The following TRIM66 variants were observed in gnomAD, a reference collection of about 807,000 sequenced individuals.
TRIM66 encodes tripartite motif containing 66, also known as tripartite motif-containing protein 66.
In TRIM66, 99 loss-of-function variants were observed where a neutral mutation model predicts 148.2. The ratio of observed to expected loss-of-function variants is 0.67; its 90% CI spans 0.57 to 0.79. The LOEUF (loss-of-function observed/expected upper bound fraction) is 0.79. TRIM66 is among the 30% of genes least tolerant of loss of function. The pLI is 0.00. For synonymous variants in TRIM66, 616 were observed against 635.9 expected (o/e 0.97, Z 0.47); for missense variants, 1,666 against 1,697.9 (o/e 0.98, Z 0.33).
Position 8,672,110 on chromosome 11 carries a change from G to A in TRIM66, c.28-12C>T, listed in dbSNP as rs2038966655. On this transcript the variant is annotated splice_polypyrimidine_tract_variant and intron_variant, in intron 5 of 24. Transcript: ENST00000646038. ...GCCAGCTCCACTCCCTGTAAGTGAA[G>A]CACAAAGCAGAGTGATCTACTTATT... is the stretch of plus-strand genomic sequence containing the variant. 1 of 1,530,022 alleles carries A rather than the reference G, an allele frequency of 6.5e-7. No homozygotes were observed. Among genetic ancestry groups the A allele is most frequent in the South Asian group, 1.2e-5 (1 of 83,570 alleles). 94.8% of individuals were successfully genotyped at this position (1,530,022 alleles called of 1,614,324 possible). A position where few individuals can be genotyped will look rare whatever the true frequency, so the allele number is the denominator to read the frequency against.
upstream of TRIM66, chr11:8,682,764 T>C (rs774940734): frequency 6.2e-7 from 1 of 1,613,476 alleles, no homozygotes; most frequent in Non-Finnish European, 8.5e-7. Flanking sequence ...CCGTGGCCGA[T>C]ACCTCGCGAG....
rs376336460 is a variant in TRIM66, at chr11:8,620,542, G to A, written c.3576C>T (p.Ser1192=). The A allele has an allele frequency of 6.1e-5, 95 of 1,551,792 alleles. No homozygotes were observed. The African/African-American group carries it at 1.3e-3, about 21-fold the overall frequency. The change falls in exon 21 of 25, where the codon AGC becomes AGT. Residue 1192 remains serine (S), a synonymous_variant. Coordinates refer to ENST00000646038, the MANE Select transcript of TRIM66 (RefSeq NM_001388022.1). Reference sequence around the variant, plus strand: ...CGTACTCCATCTCGGGCTGGGTCAGGCTGCGGCACAAGGTACACACCCACT... The same window carrying A: ...CGTACTCCATCTCGGGCTGGGTCAGACTGCGGCACAAGGTACACACCCACT... The part of the protein sequence containing the change: ...GGEWVCTLCR[S]LTQPEMEYDC...
intron 6 of TRIM66, among the ~76,000 whole-genome samples, chr11:8,653,722 C>T (rs753301400): frequency 6.6e-6 from 1 of 151,708 alleles, no homozygotes; most frequent in Non-Finnish European, 1.5e-5. Flanking sequence ...CTAACTGATA[C>T]ATCCCAGGAA....
intron 18 of TRIM66, among the ~76,000 whole-genome samples, chr11:8,622,167 G>A (rs1170537630): frequency 2.0e-5 from 3 of 150,850 alleles, no homozygotes; most frequent in African/African-American, 7.3e-5. Flanking sequence ...CTTGAACATC[G>A]GACTCCAAGT....
intron 11 of TRIM66, 144 bp downstream of exon 11, chr11:8,646,302 CT>C: frequency 1.4e-6 from 1 of 697,644 alleles, no homozygotes; most frequent in Non-Finnish European, 2.4e-6. Context: ...CAAAATTAGG[CT>C]GACATTTTAA....
At chr11:8,623,298 T>C (rs2034486934) in intron 17 of TRIM66, among the ~76,000 whole-genome samples, 1 of 152,112 alleles carries the variant, frequency 6.6e-6, no homozygotes, top group Non-Finnish European at 1.5e-5. Flanking sequence ...TCACACTCCA[T>C]GGAAAAGAGG....
intron 18 of TRIM66, 134 bp downstream of exon 18, chr11:8,622,682 G>C (rs1021647292): frequency 2.6e-6 from 2 of 762,528 alleles, no homozygotes; most frequent in Non-Finnish European, 4.5e-6. Context: ...CTTGAAGGTT[G>C]AGGGGTTGAG....
intron 13 of TRIM66, among the ~76,000 whole-genome samples, chr11:8,641,664 G>A (rs535123773): frequency 2.2e-4 from 33 of 152,256 alleles, no homozygotes; most frequent in African/African-American, 7.5e-4. Flanking sequence ...ACAGTTTGGA[G>A]CTGTGTCCCC....
chr11:8,669,642 C>CAA (rs112240789), intron 6 of TRIM66, among the ~76,000 whole-genome samples: 13 of 120,466 alleles, frequency 1.1e-4, no homozygotes, highest in Non-Finnish European at 1.1e-4. Context: ...GACCCTGTCT[C>CAA]AAAAAAAAAA....
intron 6 of TRIM66, among the ~76,000 whole-genome samples, chr11:8,658,415 C>T (rs1044894511): frequency 1.3e-5 from 2 of 152,190 alleles, no homozygotes; most frequent in African/African-American, 2.4e-5. Context: ...CCTTTTAGGA[C>T]TCCATCCAAA....
chr11:8,657,325 C>G (rs954114288), intron 6 of TRIM66, among the ~76,000 whole-genome samples: 1 of 152,198 alleles, frequency 6.6e-6, no homozygotes, highest in African/African-American at 2.4e-5. Context: ...GGGGTCCGAG[C>G]TCTGATCCCA....
intron 15 of TRIM66, among the ~76,000 whole-genome samples, chr11:8,632,083 A>G (rs897303769): frequency 6.6e-6 from 1 of 152,168 alleles, no homozygotes; most frequent in Non-Finnish European, 1.5e-5. Flanking sequence ...TGCGCCGGGC[A>G]TATCACCTGA....
At position 8,663,864 on chromosome 11, in the gene TRIM66, A is replaced by G. The variant is rs533946131; in HGVS notation, c.340+7922T>C. On this transcript the variant is annotated intron_variant, in intron 6 of 24. Coordinates refer to ENST00000646038, the MANE Select transcript of TRIM66 (RefSeq NM_001388022.1). Reference sequence around the variant, plus strand: ...CTTACAGCACATTGTAAGTGAAATAAGCCAGGTACGGAAAGACAAATACTG... The same window carrying G: ...CTTACAGCACATTGTAAGTGAAATAGGCCAGGTACGGAAAGACAAATACTG... Among the ~76,000 whole-genome samples, 3 of 152,348 alleles carry G rather than the reference A, an allele frequency of 2.0e-5. No homozygotes were observed. In the South Asian group the frequency reaches 6.2e-4, roughly 32 times the overall value.
In TRIM66 at chr11:8,616,134, C is replaced by A. The variant is rs1359983559; in HGVS notation, c.*1810G>T. ...TGCCGGACTAGTAAAGCATTCAAGA[C>A]TCAGTTACCCCAAACTAGAAAACGG... On this transcript the variant is annotated 3_prime_UTR_variant, in exon 25 of 25. Transcript: ENST00000646038. 1.3e-5 allele frequency: 2 copies of A among 152,216 alleles called. No homozygotes were observed. Among genetic ancestry groups the A allele is most frequent in the Non-Finnish European group, 2.9e-5 (2 of 68,062 alleles). 9.4% of individuals were successfully genotyped at this position (152,216 alleles called of 1,614,324 possible). A position where few individuals can be genotyped will look rare whatever the true frequency, so the allele number is the denominator to read the frequency against.
At chr11:8,657,823 C>T (rs2037961355) in intron 6 of TRIM66, among the ~76,000 whole-genome samples, 2 of 152,206 alleles carry the variant, frequency 1.3e-5, no homozygotes, top group East Asian at 1.9e-4. Flanking sequence ...ATACCCAGAC[C>T]CTGCTAGAAA....
At chr11:8,658,711 C>G in intron 6 of TRIM66, 1 of 945,800 alleles carries the variant, frequency 1.1e-6, no homozygotes, top group Non-Finnish European at 1.3e-6. Context: ...TGCTGCAGCA[C>G]GCAGATGCCA....
Position 8,640,565 on chromosome 11 carries a change from G to A in TRIM66, c.1810C>T (p.Pro604Ser). 1 of 1,548,600 alleles carries A rather than the reference G, an allele frequency of 6.5e-7. No individual in the cohort carries two copies. Among genetic ancestry groups the A allele is most frequent in the South Asian group, 1.2e-5 (1 of 83,874 alleles). ...GGATGGGGGAGGGGTGGTGGTGGAGGTGGTAGCTGCTGCTGTGGCTGCTGC... is the reference window on the plus strand; with the variant it reads ...GGATGGGGGAGGGGTGGTGGTGGAGATGGTAGCTGCTGCTGTGGCTGCTGC... Reference protein sequence around the residue: ...FQQQPQQQLPPPPPPLPHPPP... With the variant: ...FQQQPQQQLPSPPPPLPHPPP... Residue 604 changes from proline (P) to serine (S), a missense_variant, in exon 14 of 25, where the codon CCT (proline) becomes TCT (serine). Pro to Ser is a moderately conservative substitution (Grantham distance 74). This residue lies in a region of TRIM66 where 1,431 missense variants were observed against 1,412.4 expected (regional missense o/e 1.01). Coordinates refer to ENST00000646038, the MANE Select transcript of TRIM66 (RefSeq NM_001388022.1).
rs889555920 is a variant in TRIM66 at position 8,665,857 on chromosome 11, G to A, written c.340+5929C>T. Among the ~76,000 whole-genome samples, 4 of 152,084 alleles carry A rather than the reference G, an allele frequency of 2.6e-5. No individual in the cohort carries two copies. In the East Asian group the frequency reaches 7.7e-4, roughly 29 times the overall value. ...CCAGCTACTCAGGAGGCTGAGGCAG[G>A]AGAATGGTGTGAACCCGGGAGGTGG... On this transcript the variant is annotated intron_variant, in intron 6 of 24. Transcript: ENST00000646038.
chr11:8,654,881 C>T (rs757624829), intron 6 of TRIM66, among the ~76,000 whole-genome samples: 15 of 151,472 alleles, frequency 9.9e-5, no homozygotes, highest in African/African-American at 3.2e-4. Context: ...TTTTTTTTGA[C>T]GTGGAGTCTT....
Sources: gnomAD v4.1 joint callset for allele counts (sites outside exome capture counted in the v4.1 genomes callset) on GRCh38, gnomAD v4.1.1 for gene constraint, gnomAD v4.1.1 regional missense constraint, MANE v1.5 for transcripts, NCBI Gene and HGNC (gene_info 2026-07-23, HGNC 2026-07-21) for gene names.